The following DLG1 variants were observed in gnomAD, a reference collection of about 807,000 sequenced individuals.
DLG1 encodes disks large homolog 1.
Under a neutral mutation model 123.4 loss-of-function variants are expected in DLG1, and 42 were observed. The ratio of observed to expected loss-of-function variants is 0.34; its 90% CI spans 0.27 to 0.44. DLG1 has a LOEUF of 0.44. Among genes scored for constraint, DLG1 ranks in the 20% least tolerant of loss-of-function variants. The pLI, the probability that DLG1 is intolerant of heterozygous loss-of-function variation, is 1.00. For missense variants in DLG1, 942 were observed against 1,082.6 expected (o/e 0.87, Z 1.82); for synonymous variants, 317 against 356.2 (o/e 0.89, Z 1.24).
chr3:197,090,866 G>T, intron 15 of DLG1, 46 bp downstream of exon 15: 1 of 1,114,604 alleles, frequency 9.0e-7, no homozygotes, highest in Non-Finnish European at 1.3e-6. Context: ...TAATTTACAT[G>T]CATAACTAAT....
intron 4 of DLG1, among the ~76,000 whole-genome samples, chr3:197,240,744 GA>G (rs1748416861): frequency 6.7e-6 from 1 of 149,094 alleles, no homozygotes; most frequent in South Asian, 2.2e-4. Flanking sequence ...AAATCAAACA[GA>G]AATCTTGGAA....
chr3:197,225,919 T>A (rs1739643274), intron 4 of DLG1: 1 of 152,606 alleles, frequency 6.6e-6, no homozygotes, highest in Non-Finnish European at 1.5e-5. Context: ...TGGCATAACA[T>A]CGGAGAAAAG....
intron 7 of DLG1, among the ~76,000 whole-genome samples, chr3:197,141,017 T>C (rs181969798): frequency 1.6e-4 from 25 of 152,348 alleles, no homozygotes; most frequent in African/African-American, 6.0e-4. Flanking sequence ...ACAAAAAGCC[T>C]TTAAAAATAA....
chr3:197,290,690 C>T (rs1774398278), intron 3 of DLG1, among the ~76,000 whole-genome samples: 1 of 152,000 alleles, frequency 6.6e-6, no homozygotes, highest in African/African-American at 2.4e-5. Flanking sequence ...CACCTGTAAT[C>T]CCAGAACTTT....
At chr3:197,120,826 T>C (rs1206691533) in intron 11 of DLG1, among the ~76,000 whole-genome samples, 2 of 152,184 alleles carry the variant, frequency 1.3e-5, no homozygotes, top group Non-Finnish European at 2.9e-5. Context: ...CCTATCCAGT[T>C]CATATATAAG....
intron 6 of DLG1, among the ~76,000 whole-genome samples, chr3:197,146,921 C>T (rs888953146): frequency 1.3e-4 from 20 of 152,150 alleles, no homozygotes; most frequent in African/African-American, 4.8e-4. Flanking sequence ...TATCCAGAAT[C>T]TACAAGGAAC....
rs150418693 is a variant in DLG1, at chr3:197,230,237, C to T, written c.319-35648G>A. 2.5e-4 allele frequency among the ~76,000 whole-genome samples: 38 copies of T among 152,166 alleles called. No individual in the cohort carries two copies. The East Asian group carries it at 6.5e-3, about 26-fold the overall frequency. ...AAAATGTTTGCACTACTCAAAACTG[C>T]CTGTTTAGATTTATATAATAAACAA... On this transcript the variant is annotated intron_variant, in intron 4 of 24. Coordinates refer to ENST00000667157, the MANE Select transcript of DLG1 (RefSeq NM_001366207.1).
upstream of DLG1, chr3:197,298,621 A>G (rs1250120902): frequency 1.5e-5 from 3 of 197,308 alleles, no homozygotes; most frequent in Admixed American, 1.8e-4. Context: ...GTAGATCCCC[A>G]CCGGGGAAAA....
At chr3:197,213,056 C>A (rs551871484) in intron 4 of DLG1, among the ~76,000 whole-genome samples, 1 of 152,256 alleles carries the variant, frequency 6.6e-6, no homozygotes, top group Admixed American at 6.5e-5. Flanking sequence ...ATGAAAACAA[C>A]CTCAAGACAG....
At chr3:197,112,967 C>T (rs919104471) in intron 13 of DLG1, among the ~76,000 whole-genome samples, 12 of 152,244 alleles carry the variant, frequency 7.9e-5, no homozygotes, top group Admixed American at 6.5e-4. Flanking sequence ...CTGTTACCTA[C>T]TCTAGGCCTG....
chr3:197,136,621 C>T lies in DLG1; in HGVS notation c.941G>A (p.Ser314Asn), dbSNP rs147695740. 2.5e-6 allele frequency: 4 copies of T among 1,613,282 alleles called. No homozygotes were observed. Among genetic ancestry groups the T allele is most frequent in the Non-Finnish European group, 3.4e-6 (4 of 1,179,646 alleles). Residue 314 changes from serine (S) to asparagine (N), a missense_variant, in exon 10 of 25, where the codon AGC (serine) becomes AAC (asparagine). Ser to Asn is a conservative substitution (Grantham distance 46). Coordinates refer to ENST00000667157, the MANE Select transcript of DLG1 (RefSeq NM_001366207.1). ...TTCAATTATTTTGGTTACATAGATG[C>T]TATTATCCCCAGGAATATGCTGATT... ...VGNQHIPGDN[S>N]IYVTKIIEGG...
intron 4 of DLG1, chr3:197,260,454 T>C: frequency 4.8e-6 from 1 of 209,082 alleles, no homozygotes; most frequent in South Asian, 6.2e-5. Context: ...AGGTAGCAAT[T>C]TTTCTACTAT....
intron 18 of DLG1, among the ~76,000 whole-genome samples, chr3:197,073,334 T>G (rs1237051108): frequency 6.6e-6 from 1 of 152,222 alleles, no homozygotes; most frequent in Non-Finnish European, 1.5e-5. Context: ...AAAGCCTACA[T>G]GTAATAAGAA....
In DLG1 at chr3:197,110,234, C is replaced by T. The variant is rs374492817; in HGVS notation, c.1444-5229G>A. On this transcript the variant is annotated intron_variant, in intron 13 of 24. Coordinates refer to ENST00000667157, the MANE Select transcript of DLG1 (RefSeq NM_001366207.1). ...ATCAAAATCTCAATTGACCCATCTT[C>T]AAGTTTGCTGATTCTTTCTTCTGCC... Among the ~76,000 whole-genome samples the T allele has an allele frequency of 5.3e-5, 8 of 152,236 alleles. No homozygotes were observed. The South Asian group carries it at 1.2e-3, about 24-fold the overall frequency.
chr3:197,100,519 T>G (rs1462234072), intron 14 of DLG1, among the ~76,000 whole-genome samples: 1 of 152,218 alleles, frequency 6.6e-6, no homozygotes, highest in Non-Finnish European at 1.5e-5. Context: ...ATTTATTTCT[T>G]TTATGGTATT....
chr3:197,225,984 C>T (rs1458613773), intron 4 of DLG1: 2 of 152,486 alleles, frequency 1.3e-5, no homozygotes, highest in Admixed American at 6.5e-5. Flanking sequence ...GCATTTAAAT[C>T]GATCCAAGAC....
chr3:197,100,767 C>T (rs923215333), intron 14 of DLG1, among the ~76,000 whole-genome samples: 3 of 152,076 alleles, frequency 2.0e-5, no homozygotes, highest in African/African-American at 4.8e-5. Context: ...AAAGCCTTCT[C>T]GGAGTTTCTC....
chr3:197,069,012 T>TG (rs1741682784), intron 19 of DLG1, among the ~76,000 whole-genome samples: 2 of 152,092 alleles, frequency 1.3e-5, no homozygotes, highest in African/African-American at 4.8e-5. Context: ...AATAATATTT[T>TG]TATTTTATTA....
chr3:197,107,053 A>C (rs147705321), intron 13 of DLG1, among the ~76,000 whole-genome samples: 10 of 152,318 alleles, frequency 6.6e-5, no homozygotes, highest in African/African-American at 2.4e-4. Context: ...GGCAACTACG[A>C]AGCTACTTTC....
Sources: allele counts gnomAD v4.1 joint callset (sites outside exome capture counted in the v4.1 genomes callset), GRCh38; gene constraint gnomAD v4.1.1; transcripts MANE v1.5; gene names NCBI Gene and HGNC (gene_info 2026-07-23, HGNC 2026-07-21).